The following ADGRF1 variants were observed in gnomAD, a reference collection of about 807,000 sequenced individuals.
ADGRF1 encodes the protein G protein-coupled receptor 110.
ADGRF1 carries 85 observed loss-of-function variants against 87.2 expected under a neutral mutation model. That is an observed-to-expected ratio of 0.97 (90% CI 0.82 to 1.17). The LOEUF is 1.17. Among genes scored for constraint, ADGRF1 ranks in the 50% most tolerant of loss-of-function variants. ADGRF1 has a pLI of 0.00. For synonymous variants in ADGRF1, 430 were observed against 408.8 expected, an observed-to-expected ratio of 1.05 and a Z score of -0.63; for missense variants, 1,169 against 1,077.2, an observed-to-expected ratio of 1.09 and a Z score of -1.19.
intron 4 of ADGRF1, 100 bp from the exon 5 acceptor site, chr6:47,024,317 C>T (rs1428854308): frequency 1.2e-6 from 1 of 827,786 alleles, no homozygotes; most frequent in Non-Finnish European, 1.9e-6. Flanking sequence ...TTCAGATTAA[C>T]TTCCTACATC....
chr6:47,004,935 G>A (rs1330592089), intron 13 of ADGRF1, among the ~76,000 whole-genome samples: 1 of 152,182 alleles, frequency 6.6e-6, no homozygotes, highest in Non-Finnish European at 1.5e-5. Context: ...CAGCAGTGCT[G>A]TCTACTGAAA....
At position 47,009,628 on chromosome 6, in the gene ADGRF1, A is replaced by G; in HGVS notation, c.1807T>C (p.Cys603Arg). 2 of 1,614,238 alleles carry G rather than the reference A, an allele frequency of 1.2e-6. No homozygotes were observed. Among genetic ancestry groups the G allele is most frequent in the South Asian group, 2.2e-5 (2 of 91,092 alleles). ...CAAAACAAAGCCTCGATGATCAGGC[A>G]TAAAATGAGACTTCCAATGGAGATA... ...LGISIGSLIL[C>R]LIIEALFWKQ... Residue 603 changes from cysteine to arginine, a missense_variant, in exon 11 of 15, where the codon TGC becomes CGC. By Grantham distance (180) the Cys-to-Arg change is radical. Coordinates refer to ENST00000371253, the MANE Select transcript of ADGRF1 (RefSeq NM_153840.4).
intron 2 of ADGRF1, among the ~76,000 whole-genome samples, chr6:47,028,267 A>C (rs1480047601): frequency 6.7e-6 from 1 of 148,994 alleles, no homozygotes; most frequent in Non-Finnish European, 1.5e-5. Flanking sequence ...GGTGTGGATC[A>C]AGGTAGCAGC....
chr6:47,026,710 G>T (rs1407318677), intron 3 of ADGRF1, among the ~76,000 whole-genome samples: 20 of 152,044 alleles, frequency 1.3e-4, no homozygotes, highest in Admixed American at 1.3e-3. Context: ...ATTCCCAGGG[G>T]CTTCAAGGTC....
At chr6:47,035,353 A>G (rs2071091913) in intron 1 of ADGRF1, among the ~76,000 whole-genome samples, 1 of 152,244 alleles carries the variant, frequency 6.6e-6, no homozygotes, top group African/African-American at 2.4e-5. Flanking sequence ...GACTTCATTT[A>G]AAGTAGGTAA....
chr6:47,003,614 C>T (rs1249922798), intron 13 of ADGRF1, among the ~76,000 whole-genome samples: 3 of 152,220 alleles, frequency 2.0e-5, no homozygotes, highest in African/African-American at 7.2e-5. Context: ...TAACTTAACT[C>T]TTTCAACCAA....
At chr6:47,020,001 G>T in intron 7 of ADGRF1, 1 of 988,486 alleles carries the variant, frequency 1.0e-6, no homozygotes, top group Non-Finnish European at 1.2e-6. Flanking sequence ...TTCTGGCTCC[G>T]AATTATGAGG....
chr6:47,013,108 A>G, intron 9 of ADGRF1: 2 of 985,386 alleles, frequency 2.0e-6, no homozygotes, highest in Non-Finnish European at 2.4e-6. Context: ...TGAGGCTCCC[A>G]TCTACTTTTA....
Position 47,007,352 on chromosome 6 carries a change from G to T in ADGRF1, c.2491-58C>A. The T allele has an allele frequency of 1.1e-5, 11 of 1,035,892 alleles. No individual in the cohort carries two copies. The South Asian group carries it at 1.5e-4, about 14-fold the overall frequency. 64.2% of individuals were successfully genotyped at this position (1,035,892 alleles called of 1,614,324 possible). On this transcript the variant is annotated intron_variant, in intron 11 of 14. Coordinates refer to ENST00000371253, the MANE Select transcript of ADGRF1 (RefSeq NM_153840.4). ...GTATTTTTCTTTTCCAAAAAAGAAA[G>T]CATTTATATGTAACACTATTCAATC... is the stretch of plus-strand genomic sequence containing the variant.
intron 1 of ADGRF1, among the ~76,000 whole-genome samples, chr6:47,036,575 A>T (rs1001284405): frequency 6.6e-6 from 1 of 152,168 alleles, no homozygotes; most frequent in African/African-American, 2.4e-5. Flanking sequence ...AAGATGTCAC[A>T]AACTCTTCTT....
At chr6:47,030,681 A>C (rs1442882834) in intron 1 of ADGRF1, among the ~76,000 whole-genome samples, 2 of 150,126 alleles carry the variant, frequency 1.3e-5, no homozygotes, top group Admixed American at 6.7e-5. Context: ...TATTCTACTA[A>C]ACTGATTTTG....
intron 9 of ADGRF1, 158 bp downstream of exon 9, chr6:47,014,523 C>T (rs865810188): frequency 5.6e-6 from 8 of 1,418,640 alleles, no homozygotes; most frequent in Middle Eastern, 2.5e-4. Flanking sequence ...TCATGCACGA[C>T]TCCACGGGTT....
intron 14 of ADGRF1, 118 bp downstream of exon 14, chr6:47,001,383 T>C: frequency 1.3e-6 from 1 of 786,420 alleles, no homozygotes; most frequent in Non-Finnish European, 2.0e-6. Flanking sequence ...CATGGCTGGC[T>C]GATAATCCCA....
chr6:47,009,315 T>C lies in ADGRF1; in HGVS notation c.2120A>G (p.Tyr707Cys). ...GACAGATATAATGAGAGGGCACCCA[T>C]AACCCAGGCAAAATCCAACAGCCAT... ...LMMAVGFCLG[Y>C]GCPLIISVIT... The change falls in exon 11 of 15, where the codon TAT becomes TGT. Residue 707 changes from tyrosine (Y) to cysteine (C), a missense_variant. Transcript: ENST00000371253. 1 of 1,614,122 alleles carries C rather than the reference T, an allele frequency of 6.2e-7. No individual in the cohort carries two copies. Among genetic ancestry groups the C allele is most frequent in the Non-Finnish European group, 8.5e-7 (1 of 1,180,020 alleles).
intron 7 of ADGRF1, chr6:47,020,375 A>T: frequency 1.2e-6 from 1 of 801,210 alleles, no homozygotes; most frequent in Non-Finnish European, 1.9e-6. Flanking sequence ...AGGTGTCTGT[A>T]ATTCCAGCTA....
In ADGRF1 at chr6:47,028,971, A is replaced by G. The variant is rs1399359408; in HGVS notation, c.69+22T>C. On this transcript the variant is annotated intron_variant, in intron 2 of 14. Transcript: ENST00000371253. ...AGAGGAGAGTTAGTTGAGAAGAGAT[A>G]TGAGACATAGCACCAACTCACCCCC... is the stretch of plus-strand genomic sequence containing the variant. 1.9e-6 allele frequency: 3 copies of G among 1,601,282 alleles called. No individual in the cohort carries two copies. In the African/African-American group the frequency reaches 4.0e-5, roughly 21 times the overall value.
rs759746231 is a variant in ADGRF1, at chr6:47,010,095, T to C, written c.1340A>G (p.Tyr447Cys). 40 of 1,614,046 alleles carry C rather than the reference T, an allele frequency of 2.5e-5. No homozygotes were observed. The highest frequency in any genetic ancestry group is 3.2e-5 in the Non-Finnish European group (38 of 1,180,024). ...ATTTTGGGGACACATTTTAATCTGA[T>C]AGCTGTAACCCCTTTTGAGTTGGCT... ...NKSQLKRGYS[Y>C]QIKMCPQNTS... The change falls in exon 11 of 15, where the codon TAT becomes TGT. Residue 447 changes from tyrosine to cysteine, a missense_variant. By Grantham distance (194) the Tyr-to-Cys change is radical. Coordinates refer to ENST00000371253, the MANE Select transcript of ADGRF1 (RefSeq NM_153840.4).
intron 8 of ADGRF1, among the ~76,000 whole-genome samples, chr6:47,016,127 T>G (rs887077805): frequency 6.6e-6 from 1 of 152,202 alleles, no homozygotes; most frequent in Non-Finnish European, 1.5e-5. Context: ...AGAATAAATG[T>G]TGTTGAAAGA....
rs545982313 is a variant in ADGRF1 at position 47,000,435 on chromosome 6, G to T, written c.2660-140C>A. The T allele has an allele frequency of 1.0e-5, 6 of 575,766 alleles. No individual in the cohort carries two copies. In the East Asian group the frequency reaches 1.7e-4, roughly 16 times the overall value. The allele number at this position is 575,766 out of a possible 1,614,324, so 35.7% of individuals were successfully genotyped here. ...TTCTAGGTAAAGACAAAAAGACTGT[G>T]GTTGGTGGAGAGAAATAGCATTTCA... is the stretch of plus-strand genomic sequence containing the variant. On this transcript the variant is annotated intron_variant, in intron 14 of 14. Transcript: ENST00000371253.
Sources: allele counts gnomAD v4.1 joint callset (sites outside exome capture counted in the v4.1 genomes callset), GRCh38; gene constraint gnomAD v4.1.1; transcripts MANE v1.5; gene names NCBI Gene and HGNC (gene_info 2026-07-23, HGNC 2026-07-21).